METTL15: variants seen among roughly 807,000 people sequenced by gnomAD.
METTL15 encodes 12S rRNA N(4)-cytidine methyltransferase METTL15.
In METTL15, 34 loss-of-function variants were observed where a neutral mutation model predicts 38.3. The ratio of observed to expected loss-of-function variants is 0.89; its 90% CI spans 0.68 to 1.18. METTL15 has a LOEUF of 1.18. Ranked by LOEUF, METTL15 falls within the 50% of genes most tolerant of loss-of-function variation. METTL15 has a pLI of 0.00. For missense variants in METTL15, 438 were observed against 498.4 expected (o/e 0.88, Z 1.15); for synonymous variants, 162 against 170.9 (o/e 0.95, Z 0.41).
chr11:28,240,413 C>G (rs1046797097), intron 4 of METTL15, among the ~76,000 whole-genome samples: 3 of 152,118 alleles, frequency 2.0e-5, no homozygotes, highest in African/African-American at 7.2e-5. Flanking sequence ...GTAAAAATAA[C>G]AATAGCTAAC....
At chr11:28,337,869 C>A (rs1275024520), downstream of METTL15, among the ~76,000 whole-genome samples, 1 of 152,060 alleles carries the variant, frequency 6.6e-6, no homozygotes, top group East Asian at 1.9e-4. Flanking sequence ...ACTGCTGACA[C>A]AAGGATATTG....
chr11:28,529,029 A>G (rs972888275), downstream of METTL15, among the ~76,000 whole-genome samples: 1 of 152,166 alleles, frequency 6.6e-6, no homozygotes, highest in Admixed American at 6.5e-5. Flanking sequence ...AGCAATTTCT[A>G]GGGTCCATGA....
At chr11:28,516,283 G>T (rs1851718812) in intron 6 of METTL15, among the ~76,000 whole-genome samples, 1 of 152,160 alleles carries the variant, frequency 6.6e-6, no homozygotes, top group African/African-American at 2.4e-5. Flanking sequence ...GTGGTGGGGG[G>T]ATTGCAGAAT....
intron 4 of METTL15, among the ~76,000 whole-genome samples, chr11:28,355,226 C>T (rs968259962): frequency 6.6e-6 from 1 of 152,172 alleles, no homozygotes; most frequent in African/African-American, 2.4e-5. Context: ...ATCATATAAC[C>T]GTATCCCTAT....
At chr11:28,381,185 G>T (rs1850379533) in intron 5 of METTL15, among the ~76,000 whole-genome samples, 1 of 152,004 alleles carries the variant, frequency 6.6e-6, no homozygotes, top group South Asian at 2.1e-4. Context: ...TTTTTGTACG[G>T]ATGGGGTCTT....
intron 3 of METTL15, among the ~76,000 whole-genome samples, chr11:28,347,694 T>C (rs1850007389): frequency 2.0e-5 from 3 of 152,212 alleles, no homozygotes; most frequent in African/African-American, 7.2e-5. Flanking sequence ...CTACCGTCTT[T>C]CTGTGCTTTC....
intron 5 of METTL15, among the ~76,000 whole-genome samples, chr11:28,381,591 G>C (rs930770635): frequency 1.3e-5 from 2 of 151,440 alleles, no homozygotes; most frequent in African/African-American, 4.9e-5. Context: ...TTTCATATAG[G>C]CTGTCTTTGA....
At chr11:28,257,298 G>A (rs2133933112) in intron 4 of METTL15, among the ~76,000 whole-genome samples, 1 of 152,092 alleles carries the variant, frequency 6.6e-6, no homozygotes, top group Non-Finnish European at 1.5e-5. Context: ...CTTTTCCTTT[G>A]TGGCTTTTAG....
At chr11:28,431,517 A>G (rs1477990349) in intron 6 of METTL15, among the ~76,000 whole-genome samples, 2 of 76,026 alleles carry the variant, frequency 2.6e-5, no homozygotes. Flanking sequence ...TGCTGTGTCC[A>G]CTCAGGGTTA....
chr11:28,353,817 G>T (rs1004143650), intron 4 of METTL15, among the ~76,000 whole-genome samples: 3 of 151,298 alleles, frequency 2.0e-5, no homozygotes, highest in Admixed American at 6.6e-5. Context: ...CCCAGCTACT[G>T]GGGAGGCTGA....
At chr11:28,513,532 G>C (rs1372609946) in intron 6 of METTL15, among the ~76,000 whole-genome samples, 2 of 152,168 alleles carry the variant, frequency 1.3e-5, no homozygotes, top group East Asian at 1.9e-4. Flanking sequence ...CCCTAACCCA[G>C]AGGTGCTAGA....
At chr11:28,319,106 A>G (rs537591713) in intron 6 of METTL15, among the ~76,000 whole-genome samples, 20 of 152,208 alleles carry the variant, frequency 1.3e-4, no homozygotes, top group Non-Finnish European at 5.9e-5. Context: ...AGGGAAATGT[A>G]GGGAGAAAGC....
chr11:28,209,860 A>G (rs1337357943), intron 3 of METTL15, among the ~76,000 whole-genome samples: 1 of 152,026 alleles, frequency 6.6e-6, no homozygotes, highest in Non-Finnish European at 1.5e-5. Context: ...TATGCACATG[A>G]ACTTTAAGAA....
chr11:28,117,174 A>G (rs1851997493), intron 3 of METTL15, among the ~76,000 whole-genome samples: 1 of 151,600 alleles, frequency 6.6e-6, no homozygotes, highest in Admixed American at 6.6e-5. Context: ...ATGTATATTG[A>G]AATATATGTG....
Position 28,330,598 on chromosome 11 carries a change from C to T in METTL15, c.981C>T (p.Arg327=). 1 of 1,551,466 alleles carries T rather than the reference C, an allele frequency of 6.4e-7. No individual in the cohort carries two copies. Among genetic ancestry groups the T allele is most frequent in the South Asian group, 1.2e-5 (1 of 84,054 alleles). The change falls in exon 7 of 7, where the codon CGC becomes CGT. Residue 327 remains arginine, a synonymous_variant. Coordinates refer to ENST00000407364, the MANE Select transcript of METTL15 (RefSeq NM_001113528.2). The part of the protein sequence containing the change: ...VALSFHSLED[R]IVKRFLLGIS... ...TCTCCTTCCATTCACTAGAGGATCG[C>T]ATCGTCAAAAGATTTTTGCTTGGAA... is the stretch of plus-strand genomic sequence containing the variant.
At chr11:28,195,521 TAATC>T (rs1319297658) in intron 3 of METTL15, among the ~76,000 whole-genome samples, 6 of 152,060 alleles carry the variant, frequency 3.9e-5, no homozygotes, top group African/African-American at 9.7e-5. Flanking sequence ...TTTTGAGAAA[TAATC>T]TATTCATGAT....
chr11:28,290,909 T>C (rs925457681), intron 5 of METTL15, among the ~76,000 whole-genome samples: 2 of 152,076 alleles, frequency 1.3e-5, no homozygotes, highest in African/African-American at 4.8e-5. Flanking sequence ...ATTTATGATA[T>C]GATATCAAAC....
At chr11:28,218,379 G>T (rs188791852) in intron 4 of METTL15, among the ~76,000 whole-genome samples, 1 of 152,268 alleles carries the variant, frequency 6.6e-6, no homozygotes, top group African/African-American at 2.4e-5. Context: ...TGGTGTATAA[G>T]AATGCTTGTG....
Position 28,111,756 on chromosome 11 carries a change from C to T in METTL15, c.-18+1355C>T, listed in dbSNP as rs998971537. On this transcript the variant is annotated intron_variant, in intron 2 of 6. Coordinates refer to ENST00000407364, the MANE Select transcript of METTL15 (RefSeq NM_001113528.2). ...TCGTGGTAAGGATTGAATGAGGTAG[C>T]GCATGTAGTGTGGTTATAATAGTAA... Among the ~76,000 whole-genome samples the T allele has an allele frequency of 3.9e-5, 6 of 152,020 alleles. No individual in the cohort carries two copies. The East Asian group carries it at 5.8e-4, about 15-fold the overall frequency.
Sources: allele counts gnomAD v4.1 joint callset (sites outside exome capture counted in the v4.1 genomes callset), GRCh38; gene constraint gnomAD v4.1.1; transcripts MANE v1.5; gene names NCBI Gene and HGNC (gene_info 2026-07-23, HGNC 2026-07-21).